Variants in HIBADH observed in about 807,000 individuals in gnomAD.
The protein encoded by HIBADH is 3-hydroxyisobutyrate dehydrogenase, mitochondrial.
HIBADH carries 25 observed loss-of-function variants against 36.1 expected under a neutral mutation model. That is an observed-to-expected ratio of 0.69 (90% CI 0.50 to 0.97). The LOEUF (loss-of-function observed/expected upper bound fraction) is 0.97, where lower values mean the gene tolerates loss of function less well. Among genes scored for constraint, HIBADH ranks in the 50% least tolerant of loss-of-function variants. The pLI is 0.00. For missense variants in HIBADH, 421 were observed against 418.0 expected (o/e 1.01, Z -0.06); for synonymous variants, 160 against 149.5 (o/e 1.07, Z -0.51).
chr7:27,595,597 T>A (rs1035768673), intron 4 of HIBADH, among the ~76,000 whole-genome samples: 1 of 150,818 alleles, frequency 6.6e-6, no homozygotes, highest in Non-Finnish European at 1.5e-5. Flanking sequence ...TGTGTGTGTG[T>A]GTGTGTGTGT....
chr7:27,564,092 G>T (rs1344631333), intron 4 of HIBADH, among the ~76,000 whole-genome samples: 1 of 151,948 alleles, frequency 6.6e-6, no homozygotes, highest in Admixed American at 6.6e-5. Flanking sequence ...TAGAGATGGG[G>T]TTTCACCATG....
At chr7:27,619,622 G>T (rs2128293078) in intron 4 of HIBADH, among the ~76,000 whole-genome samples, 1 of 152,106 alleles carries the variant, frequency 6.6e-6, no homozygotes, top group East Asian at 1.9e-4. Flanking sequence ...ATATCTTTAA[G>T]AAGCAACAAG....
chr7:27,654,390 T>C (rs1356776624), intron 1 of HIBADH, among the ~76,000 whole-genome samples: 1 of 152,036 alleles, frequency 6.6e-6, no homozygotes, highest in African/African-American at 2.4e-5. Context: ...AGGAACTCTA[T>C]GAACCCCAAT....
chr7:27,591,525 T>A (rs1562634348), intron 4 of HIBADH, among the ~76,000 whole-genome samples: 1 of 149,232 alleles, frequency 6.7e-6, no homozygotes, highest in Non-Finnish European at 1.5e-5. Flanking sequence ...CACTCCAGCC[T>A]GGGCGACAGA....
chr7:27,591,085 A>C (rs1784932261), intron 4 of HIBADH, among the ~76,000 whole-genome samples: 2 of 152,214 alleles, frequency 1.3e-5, no homozygotes, highest in Admixed American at 1.3e-4. Flanking sequence ...TTTAATTTGA[A>C]GTTTAGCTTT....
intron 4 of HIBADH, among the ~76,000 whole-genome samples, chr7:27,543,854 T>A (rs1784195424): frequency 6.7e-6 from 1 of 149,206 alleles, no homozygotes; most frequent in Admixed American, 6.6e-5. Flanking sequence ...GTTCATTCAT[T>A]CTAATGATTG....
At chr7:27,572,240 C>T (rs62456904) in intron 4 of HIBADH, among the ~76,000 whole-genome samples, 6,268 of 152,258 alleles carry the variant, frequency 0.041, 178 homozygotes, top group Non-Finnish European at 0.064. Context: ...ATTATTTGGT[C>T]ACTGAAGATC....
intron 4 of HIBADH, among the ~76,000 whole-genome samples, chr7:27,577,469 C>A (rs1784728749): frequency 6.6e-6 from 1 of 152,116 alleles, no homozygotes; most frequent in African/African-American, 2.4e-5. Context: ...GGCCAAGCAT[C>A]ATTTCTCTCT....
chr7:27,623,390 A>C (rs1051544094), intron 4 of HIBADH, among the ~76,000 whole-genome samples: 4 of 152,184 alleles, frequency 2.6e-5, no homozygotes, highest in African/African-American at 9.7e-5. Context: ...ATAGTGCTGA[A>C]AGTCCTAGCC....
chr7:27,653,495 G>A (rs1786236991), intron 1 of HIBADH, among the ~76,000 whole-genome samples: 1 of 152,128 alleles, frequency 6.6e-6, no homozygotes, highest in Non-Finnish European at 1.5e-5. Context: ...CAGCACTTTG[G>A]GAGGCCGAGA....
chr7:27,624,458 T>C (rs1401832248), intron 4 of HIBADH, among the ~76,000 whole-genome samples: 3 of 152,232 alleles, frequency 2.0e-5, no homozygotes, highest in Non-Finnish European at 4.4e-5. Flanking sequence ...TATATAATTA[T>C]GGAAATATCA....
chr7:27,659,701 AAG>A (rs377478375), intron 1 of HIBADH, among the ~76,000 whole-genome samples: 6 of 151,036 alleles, frequency 4.0e-5, no homozygotes, highest in Admixed American at 6.6e-5. Context: ...CAGCCTGGAC[AAG>A]AGAGAGAGAG....
chr7:27,531,067 A>G (rs1245082833), intron 7 of HIBADH, 125 bp downstream of exon 7: 4 of 885,792 alleles, frequency 4.5e-6, no homozygotes, highest in Non-Finnish European at 6.9e-6. Context: ...TTTCAGTGAG[A>G]GTGAATATTC....
chr7:27,655,260 G>A (rs1330916657), intron 1 of HIBADH, among the ~76,000 whole-genome samples: 1 of 152,176 alleles, frequency 6.6e-6, no homozygotes, highest in Admixed American at 6.5e-5. Flanking sequence ...AATGCAAATT[G>A]TACATTAGAT....
intron 7 of HIBADH, among the ~76,000 whole-genome samples, chr7:27,527,541 C>T (rs961975115): frequency 6.6e-5 from 10 of 152,098 alleles, no homozygotes; most frequent in Non-Finnish European, 1.5e-4. Flanking sequence ...TAGTGTGCTT[C>T]ACTTTATCAT....
chr7:27,529,114 GAAGAA>G (rs1001908528), intron 7 of HIBADH, among the ~76,000 whole-genome samples: 2 of 152,206 alleles, frequency 1.3e-5, no homozygotes, highest in African/African-American at 4.8e-5. Flanking sequence ...CTACTGGTCA[GAAGAA>G]AAGATTCCTT....
chr7:27,656,143 C>T (rs1441711432), intron 1 of HIBADH, among the ~76,000 whole-genome samples: 1 of 152,124 alleles, frequency 6.6e-6, no homozygotes, highest in East Asian at 1.9e-4. Context: ...TTTCATTCAT[C>T]TACTCTAGTT....
At chr7:27,586,240 T>C (rs976520863) in intron 4 of HIBADH, among the ~76,000 whole-genome samples, 1 of 152,190 alleles carries the variant, frequency 6.6e-6, no homozygotes, top group Non-Finnish European at 1.5e-5. Context: ...CAACTGATAG[T>C]CTACATGAGC....
chr7:27,528,484 C>T (rs1437311727), intron 7 of HIBADH, among the ~76,000 whole-genome samples: 1 of 152,168 alleles, frequency 6.6e-6, no homozygotes, highest in African/African-American at 2.4e-5. Context: ...GTGAAACGGC[C>T]TTACTGCTGA....
Sources: gnomAD v4.1 joint callset for allele counts (sites outside exome capture counted in the v4.1 genomes callset) on GRCh38, gnomAD v4.1.1 for gene constraint, MANE v1.5 for transcripts, NCBI Gene and HGNC (gene_info 2026-07-23, HGNC 2026-07-21) for gene names.